The following EPHA6 variants were observed in gnomAD, a reference collection of about 807,000 sequenced individuals.
EPHA6 encodes EPH receptor A6, also known as ephrin type-A receptor 6.
A neutral mutation model predicts 112.0 loss-of-function variants in EPHA6; 50 were observed. The ratio of observed to expected loss-of-function variants is 0.45; its 90% CI spans 0.36 to 0.56. The LOEUF is 0.56. Ranked by LOEUF, EPHA6 falls within the 20% of genes least tolerant of loss-of-function variation. The pLI is 0.00. For synonymous variants in EPHA6, 529 were observed against 490.7 expected (o/e 1.08, Z -1.03); for missense variants, 1,280 against 1,417.4 (o/e 0.90, Z 1.56).
intron 1 of EPHA6, among the ~76,000 whole-genome samples, chr3:96,826,162 A>G (rs1035193749): frequency 8.6e-5 from 13 of 152,030 alleles, no homozygotes; most frequent in Non-Finnish European, 1.9e-4. Context: ...TTTTAATTCT[A>G]TGCCAGATTA....
intron 5 of EPHA6, among the ~76,000 whole-genome samples, chr3:97,376,504 CA>C (rs933791266): frequency 6.6e-6 from 1 of 152,172 alleles, no homozygotes; most frequent in Non-Finnish European, 1.5e-5. Flanking sequence ...TTATCAGAAT[CA>C]GAAAGATTCT....
At chr3:97,374,724 A>T (rs1174675610) in intron 5 of EPHA6, among the ~76,000 whole-genome samples, 2 of 152,092 alleles carry the variant, frequency 1.3e-5, no homozygotes, top group Non-Finnish European at 2.9e-5. Context: ...GCCCATGTGT[A>T]TCCAGTTTAG....
chr3:96,935,039 A>G (rs2107666816), intron 2 of EPHA6, among the ~76,000 whole-genome samples: 1 of 151,920 alleles, frequency 6.6e-6, no homozygotes, highest in East Asian at 1.9e-4. Flanking sequence ...TGTCTACCCA[A>G]CGCTTGTACA....
chr3:96,938,607 T>A (rs966551801), intron 2 of EPHA6, among the ~76,000 whole-genome samples: 1 of 152,044 alleles, frequency 6.6e-6, no homozygotes, highest in African/African-American at 2.4e-5. Flanking sequence ...TATTTCCTTT[T>A]CCTGCCTAAT....
At chr3:97,677,271 T>C (rs567385330) in intron 14 of EPHA6, among the ~76,000 whole-genome samples, 16 of 152,318 alleles carry the variant, frequency 1.1e-4, no homozygotes, top group African/African-American at 3.4e-4. Flanking sequence ...GTTGAAATGA[T>C]AATATTTAAA....
chr3:97,173,011 T>C (rs904492105), intron 3 of EPHA6, among the ~76,000 whole-genome samples: 4 of 151,922 alleles, frequency 2.6e-5, no homozygotes, highest in African/African-American at 9.7e-5. Context: ...CCATGGGATG[T>C]GATTTTATGC....
chr3:97,614,644 C>G lies in EPHA6; in HGVS notation c.2574+3790C>G, dbSNP rs543517876. 4.0e-5 allele frequency among the ~76,000 whole-genome samples: 6 copies of G among 151,626 alleles called. No homozygotes were observed. The East Asian group carries it at 7.8e-4, about 20-fold the overall frequency. The stretch of plus-strand genomic sequence containing the variant: ...TGGGATTACAGGCGTGAGCCACTGT[C>G]CCTGGCCTATACTTACATTTTTTAC... On this transcript the variant is annotated intron_variant, in intron 13 of 17. Coordinates refer to ENST00000389672, the MANE Select transcript of EPHA6 (RefSeq NM_001080448.3).
intron 16 of EPHA6, among the ~76,000 whole-genome samples, chr3:97,747,045 A>C (rs1212152488): frequency 6.6e-6 from 1 of 151,876 alleles, no homozygotes; most frequent in African/African-American, 2.4e-5. Flanking sequence ...TGTGGGGATA[A>C]GGGATGGGCT....
chr3:97,413,928 G>A (rs73133066), intron 6 of EPHA6, among the ~76,000 whole-genome samples: 4 of 151,622 alleles, frequency 2.6e-5, no homozygotes, highest in East Asian at 3.9e-4. Flanking sequence ...AGAGTTGACC[G>A]AGTCATATTC....
At chr3:97,391,118 A>T (rs2086370475) in intron 5 of EPHA6, among the ~76,000 whole-genome samples, 1 of 151,878 alleles carries the variant, frequency 6.6e-6, no homozygotes, top group African/African-American at 2.4e-5. Context: ...TCATTATTAT[A>T]ATTATCTTTT....
At chr3:97,289,768 G>A (rs577216963) in intron 5 of EPHA6, among the ~76,000 whole-genome samples, 2 of 151,960 alleles carry the variant, frequency 1.3e-5, no homozygotes, top group African/African-American at 4.8e-5. Context: ...TGCTTGTAGA[G>A]ATCTTTCACC....
chr3:97,733,293 A>T (rs1456521954), intron 15 of EPHA6, among the ~76,000 whole-genome samples: 1 of 152,048 alleles, frequency 6.6e-6, no homozygotes, highest in Non-Finnish European at 1.5e-5. Context: ...CCTACCTCTT[A>T]GAGAAGAGCA....
intron 6 of EPHA6, among the ~76,000 whole-genome samples, chr3:97,430,107 GAAATT>G (rs1314669940): frequency 6.6e-6 from 1 of 152,012 alleles, no homozygotes; most frequent in Admixed American, 6.6e-5. Context: ...ATTTATAAAT[GAAATT>G]AAAGAATGAA....
At chr3:97,601,319 A>AT (rs397877773) in intron 12 of EPHA6, among the ~76,000 whole-genome samples, 7 of 152,192 alleles carry the variant, frequency 4.6e-5, no homozygotes, top group Admixed American at 1.3e-4. Context: ...GCTGATTAGT[A>AT]TTTTTTTGTA....
chr3:97,739,000 C>T (rs527444300), intron 16 of EPHA6, among the ~76,000 whole-genome samples: 5 of 152,082 alleles, frequency 3.3e-5, no homozygotes, highest in Non-Finnish European at 5.9e-5. Flanking sequence ...GTTCCTGATT[C>T]CAGAGAACTG....
rs73134908 is a variant in EPHA6, at chr3:97,554,459, A to G, written c.2386+21916A>G. 6.2e-3 allele frequency among the ~76,000 whole-genome samples: 939 copies of G among 152,228 alleles called. 4 individuals carry two copies. The highest frequency in any genetic ancestry group is 0.034 in the Middle Eastern group (10 of 294). On this transcript the variant is annotated intron_variant, in intron 11 of 17. Coordinates refer to ENST00000389672, the MANE Select transcript of EPHA6 (RefSeq NM_001080448.3). The stretch of plus-strand genomic sequence containing the variant: ...ACAGCTATTTCTTTTAGGTTTGACT[A>G]TGAGTAACTGAACAACTAGAATCCT...
At chr3:97,703,155 C>A (rs1035616968) in intron 14 of EPHA6, among the ~76,000 whole-genome samples, 3 of 152,086 alleles carry the variant, frequency 2.0e-5, no homozygotes, top group Non-Finnish European at 4.4e-5. Flanking sequence ...CCTCTAGATT[C>A]CTAAAAGAAG....
At chr3:97,036,947 G>A (rs1316863887) in intron 3 of EPHA6, among the ~76,000 whole-genome samples, 1 of 151,762 alleles carries the variant, frequency 6.6e-6, no homozygotes, top group African/African-American at 2.4e-5. Context: ...GTGACTCGCC[G>A]ACCCCTGGAG....
chr3:97,081,075 G>A (rs1397577407), intron 3 of EPHA6, among the ~76,000 whole-genome samples: 2 of 150,344 alleles, frequency 1.3e-5, no homozygotes, highest in Admixed American at 6.6e-5. Context: ...TCAACATAAT[G>A]CCATATTCAT....
Sources: allele counts gnomAD v4.1 joint callset (sites outside exome capture counted in the v4.1 genomes callset), GRCh38; gene constraint gnomAD v4.1.1; transcripts MANE v1.5; gene names NCBI Gene and HGNC (gene_info 2026-07-23, HGNC 2026-07-21).